CCDC102B: variants seen among roughly 807,000 people sequenced by gnomAD.
CCDC102B encodes coiled-coil domain-containing protein 102B.
A neutral mutation model predicts 57.4 loss-of-function variants in CCDC102B; 75 were observed. The ratio of observed to expected loss-of-function variants is 1.31; its 90% CI spans 1.08 to 1.58. The LOEUF is 1.58. Ranked by LOEUF, CCDC102B falls within the 40% of genes most tolerant of loss-of-function variation. The pLI is 0.00. For missense variants in CCDC102B, 636 were observed against 582.6 expected, an observed-to-expected ratio of 1.09 and a Z score of -0.94; for synonymous variants, 206 against 201.9, an observed-to-expected ratio of 1.02 and a Z score of -0.17.
intron 4 of CCDC102B, among the ~76,000 whole-genome samples, chr18:68,863,131 CAAAT>C (rs1279633041): frequency 6.6e-6 from 1 of 151,260 alleles, no homozygotes; most frequent in Non-Finnish European, 1.5e-5. Context: ...AATCAGAAAT[CAAAT>C]AAAGGGCAGA....
rs1599541571 is a variant in CCDC102B at position 68,836,909 on chromosome 18, T to C, written c.146T>C (p.Leu49Pro). ...TCNTCFPLHGLQSHAAHNFCA... is the reference protein window; with the variant it reads ...TCNTCFPLHGPQSHAAHNFCA... Reference sequence around the variant, plus strand: ...AATACCTGCTTCCCACTTCATGGGCTACAATCTCATGCTGCTCACAATTTC... The same window carrying C: ...AATACCTGCTTCCCACTTCATGGGCCACAATCTCATGCTGCTCACAATTTC... The change falls in exon 2 of 8, where the codon CTA (leucine) becomes CCA (proline). Residue 49 changes from leucine to proline, a missense_variant. By Grantham distance (98) the Leu-to-Pro change is moderately conservative. Coordinates refer to ENST00000360242, the MANE Select transcript of CCDC102B (RefSeq NM_024781.3). 2 of 1,614,140 alleles carry C rather than the reference T, an allele frequency of 1.2e-6. No homozygotes were observed. Among genetic ancestry groups the C allele is most frequent in the East Asian group, 2.2e-5 (1 of 44,864 alleles).
chr18:69,009,585 T>C (rs1044880763), intron 6 of CCDC102B, among the ~76,000 whole-genome samples: 1 of 152,168 alleles, frequency 6.6e-6, no homozygotes, highest in Non-Finnish European at 1.5e-5. Flanking sequence ...GGGATCATAC[T>C]TAGGAAAACT....
intron 5 of CCDC102B, among the ~76,000 whole-genome samples, chr18:68,883,650 C>T (rs1490484699): frequency 2.0e-5 from 3 of 152,134 alleles, no homozygotes; most frequent in Admixed American, 6.5e-5. Flanking sequence ...AACCATTGTG[C>T]GTGCAACTGA....
At chr18:68,781,335 G>A (rs2035002565) in intron 2 of CCDC102B, among the ~76,000 whole-genome samples, 1 of 102,568 alleles carries the variant, frequency 9.7e-6, no homozygotes. Context: ...ATGAGTGGGT[G>A]GACAAAGAAA....
intron 3 of CCDC102B, among the ~76,000 whole-genome samples, chr18:68,842,050 C>T (rs943328519): frequency 3.9e-5 from 6 of 151,902 alleles, no homozygotes; most frequent in Non-Finnish European, 8.8e-5. Flanking sequence ...ATTTTGTCTT[C>T]TTAATTTATT....
At chr18:68,863,236 T>TA (rs1301092380) in intron 4 of CCDC102B, among the ~76,000 whole-genome samples, 1 of 151,778 alleles carries the variant, frequency 6.6e-6, no homozygotes, top group East Asian at 1.9e-4. Flanking sequence ...ATTTATTCAT[T>TA]AAAAAATCTA....
chr18:68,809,143 C>T (rs78529173), intron 1 of CCDC102B, among the ~76,000 whole-genome samples: 389 of 152,224 alleles, frequency 2.6e-3, no homozygotes, highest in Non-Finnish European at 4.7e-3. Context: ...ATCCAGCCTG[C>T]GGTAATTTGG....
chr18:68,784,023 A>G (rs1444935527), intron 2 of CCDC102B, among the ~76,000 whole-genome samples: 1 of 152,196 alleles, frequency 6.6e-6, no homozygotes, highest in Non-Finnish European at 1.5e-5. Flanking sequence ...TGTTTCATTT[A>G]TATGAATTTT....
In CCDC102B at chr18:68,874,703, T is replaced by A. The variant is rs754616684; in HGVS notation, c.971T>A (p.Met324Lys). The change falls in exon 5 of 8, where the codon ATG (methionine) becomes AAG (lysine). Residue 324 changes from methionine to lysine, a missense_variant. Met to Lys is a moderately conservative substitution (Grantham distance 95). Transcript: ENST00000360242. ...DILLGQHNDE[M>K]QELSGNIKEE... ...CTTCTTGGTCAACATAATGATGAAA[T>A]GCAAGAACTGTCAGGCAATATAAAG... 4 of 1,611,610 alleles carry A rather than the reference T, an allele frequency of 2.5e-6. No homozygotes were observed. The highest frequency in any genetic ancestry group is 2.5e-6 in the Non-Finnish European group (3 of 1,178,300).
At chr18:68,983,541 AT>A (rs2050648852) in intron 6 of CCDC102B, among the ~76,000 whole-genome samples, 1 of 151,936 alleles carries the variant, frequency 6.6e-6, no homozygotes, top group Admixed American at 6.6e-5. Context: ...AATATATTGG[AT>A]TCTTTTTTCC....
intron 6 of CCDC102B, among the ~76,000 whole-genome samples, chr18:69,006,694 C>T (rs1464699111): frequency 1.3e-5 from 2 of 151,762 alleles, no homozygotes; most frequent in African/African-American, 2.4e-5. Flanking sequence ...CCACCCGCCT[C>T]AGCCTCCCAA....
At chr18:68,762,027 A>G (rs888152950) in intron 2 of CCDC102B, among the ~76,000 whole-genome samples, 1 of 152,152 alleles carries the variant, frequency 6.6e-6, no homozygotes, top group African/African-American at 2.4e-5. Flanking sequence ...ATTTTACCAT[A>G]CGTGTTTACG....
intron 5 of CCDC102B, among the ~76,000 whole-genome samples, chr18:68,884,265 T>C (rs2039796336): frequency 6.6e-6 from 1 of 152,110 alleles, no homozygotes; most frequent in East Asian, 1.9e-4. Context: ...AACAACCCAG[T>C]GTTCACTTAT....
intron 6 of CCDC102B, among the ~76,000 whole-genome samples, chr18:68,999,043 A>T (rs2051128109): frequency 6.8e-6 from 1 of 147,934 alleles, no homozygotes; most frequent in Non-Finnish European, 1.5e-5. Flanking sequence ...GAGAGTCATT[A>T]TCATAAAATA....
chr18:68,998,554 G>A (rs1442276886), intron 6 of CCDC102B, among the ~76,000 whole-genome samples: 1 of 149,850 alleles, frequency 6.7e-6, no homozygotes, highest in Non-Finnish European at 1.5e-5. Context: ...CCGTCTGCAA[G>A]CTGAGGAGCA....
At chr18:68,779,698 A>T (rs1315163540) in intron 2 of CCDC102B, among the ~76,000 whole-genome samples, 4 of 152,102 alleles carry the variant, frequency 2.6e-5, no homozygotes, top group African/African-American at 9.7e-5. Context: ...AGGAAAGGAA[A>T]AAATCTAAAA....
intron 5 of CCDC102B, among the ~76,000 whole-genome samples, chr18:68,894,680 T>G (rs1395555529): frequency 6.6e-6 from 1 of 151,864 alleles, no homozygotes; most frequent in African/African-American, 2.4e-5. Context: ...CTAAAACTTC[T>G]TATAATTTTA....
intron 4 of CCDC102B, among the ~76,000 whole-genome samples, chr18:68,857,061 AT>A (rs1163115541): frequency 5.0e-5 from 6 of 120,964 alleles, no homozygotes; most frequent in Non-Finnish European, 9.8e-5. Context: ...ATATAAATAT[AT>A]TTTTATATAT....
At chr18:68,953,931 T>TA (rs2049771737) in intron 6 of CCDC102B, among the ~76,000 whole-genome samples, 1 of 151,906 alleles carries the variant, frequency 6.6e-6, no homozygotes, top group Non-Finnish European at 1.5e-5. Context: ...AAAAAACAGG[T>TA]AAAAAATTGT....
Sources: gnomAD v4.1 joint callset for allele counts (sites outside exome capture counted in the v4.1 genomes callset) on GRCh38, gnomAD v4.1.1 for gene constraint, MANE v1.5 for transcripts, NCBI Gene and HGNC (gene_info 2026-07-23, HGNC 2026-07-21) for gene names.